MACROD2: variants seen among roughly 807,000 people sequenced by gnomAD.
MACROD2 encodes mono-ADP ribosylhydrolase 2.
A neutral mutation model predicts 70.4 loss-of-function variants in MACROD2; 36 were observed. The ratio of observed to expected loss-of-function variants is 0.51; its 90% CI spans 0.39 to 0.68. MACROD2 has a LOEUF of 0.68. Among genes scored for constraint, MACROD2 ranks in the 30% least tolerant of loss-of-function variants. The pLI is 0.00. For missense variants in MACROD2, 496 were observed against 538.4 expected, an observed-to-expected ratio of 0.92 and a Z score of 0.78; for synonymous variants, 172 against 178.8, an observed-to-expected ratio of 0.96 and a Z score of 0.30.
At chr20:16,043,642 C>T (rs990468466) in intron 16 of MACROD2, among the ~76,000 whole-genome samples, 3 of 151,994 alleles carry the variant, frequency 2.0e-5, no homozygotes, top group African/African-American at 4.8e-5. Flanking sequence ...TAAAAGCACA[C>T]GTTTTATCAC....
At chr20:15,067,227 A>T (rs1489757949) in intron 5 of MACROD2, among the ~76,000 whole-genome samples, 1 of 152,162 alleles carries the variant, frequency 6.6e-6, no homozygotes, top group Non-Finnish European at 1.5e-5. Flanking sequence ...ACTATTTTAA[A>T]TTTTCACAGG....
In MACROD2 at chr20:15,951,140, G is replaced by A. The variant is rs561319861; in HGVS notation, c.907+13596G>A. ...CTGGCCTTCTTGAATTTATGGTTAT[G>A]GAGTGGTATCGGAAAAACATTCTCT... is the stretch of plus-strand genomic sequence containing the variant. On this transcript the variant is annotated intron_variant, in intron 12 of 17. Transcript: ENST00000684519. Among the ~76,000 whole-genome samples the A allele has an allele frequency of 2.0e-5, 3 of 152,174 alleles. No homozygotes were observed. In the East Asian group the frequency reaches 5.8e-4, roughly 29 times the overall value.
chr20:15,306,815 T>C (rs1437547252), intron 6 of MACROD2, among the ~76,000 whole-genome samples: 1 of 152,176 alleles, frequency 6.6e-6, no homozygotes, highest in African/African-American at 2.4e-5. Context: ...TATTAGTCCA[T>C]GTTGTGTTGC....
At chr20:15,983,863 A>C (rs912832053) in intron 13 of MACROD2, among the ~76,000 whole-genome samples, 3 of 152,204 alleles carry the variant, frequency 2.0e-5, no homozygotes, top group African/African-American at 7.2e-5. Flanking sequence ...AGTTTGTTTT[A>C]AGTCTTTAAC....
Position 15,559,725 on chromosome 20 carries a change from T to C in MACROD2, c.645+59878T>C, listed in dbSNP as rs12624699. Among the ~76,000 whole-genome samples the C allele has an allele frequency of 2.6e-3, 390 of 152,318 alleles. 10 individuals carry two copies. The East Asian group carries it at 0.05, about 20-fold the overall frequency. On this transcript the variant is annotated intron_variant, in intron 8 of 17. Transcript: ENST00000684519. ...GCATGTACAGTCACTCTTCTTGGGC[T>C]CACAGTGGTCAATAAGGGGTGAGGA...
intron 3 of MACROD2, among the ~76,000 whole-genome samples, chr20:14,095,059 TCTC>T (rs1283718457): frequency 1.3e-5 from 2 of 152,172 alleles, no homozygotes; most frequent in African/African-American, 4.8e-5. Flanking sequence ...AGATGTTTCA[TCTC>T]CTACTGGAAG....
At chr20:15,908,299 A>C (rs527584136) in intron 10 of MACROD2, among the ~76,000 whole-genome samples, 370 of 152,294 alleles carry the variant, frequency 2.4e-3, no homozygotes, top group African/African-American at 8.7e-3. Context: ...AAATGACTTC[A>C]CCCAAGGACA....
intron 3 of MACROD2, among the ~76,000 whole-genome samples, chr20:14,491,478 T>A (rs2084793924): frequency 6.6e-6 from 1 of 152,218 alleles, no homozygotes; most frequent in Non-Finnish European, 1.5e-5. Flanking sequence ...ATCACAATTT[T>A]GTAAAATAGT....
intron 6 of MACROD2, among the ~76,000 whole-genome samples, chr20:15,345,853 T>G (rs2078160074): frequency 6.6e-6 from 1 of 152,188 alleles, no homozygotes; most frequent in African/African-American, 2.4e-5. Flanking sequence ...TGGACCATTC[T>G]GGTTGTTTAG....
At chr20:14,324,222 A>G (rs1266961817) in intron 3 of MACROD2, 1 of 152,572 alleles carries the variant, frequency 6.6e-6, no homozygotes, top group African/African-American at 2.4e-5. Flanking sequence ...AGCTGAATAC[A>G]TGTAGCGTTG....
At chr20:15,061,018 G>T (rs1038690944) in intron 5 of MACROD2, among the ~76,000 whole-genome samples, 1 of 152,192 alleles carries the variant, frequency 6.6e-6, no homozygotes, top group African/African-American at 2.4e-5. Flanking sequence ...TGAAAGCTCA[G>T]AGAAGTTAAT....
intron 6 of MACROD2, among the ~76,000 whole-genome samples, chr20:15,314,606 G>A (rs2077789236): frequency 6.6e-6 from 1 of 152,266 alleles, no homozygotes; most frequent in East Asian, 1.9e-4. Flanking sequence ...AAATCTTGGG[G>A]CTTGCCTGAG....
At chr20:14,066,288 C>G (rs924035808) in intron 2 of MACROD2, among the ~76,000 whole-genome samples, 1 of 152,116 alleles carries the variant, frequency 6.6e-6, no homozygotes, top group Non-Finnish European at 1.5e-5. Context: ...TGTAATCAAT[C>G]AATTCTATAT....
intron 4 of MACROD2, among the ~76,000 whole-genome samples, chr20:14,593,945 T>C (rs1330800070): frequency 1.3e-5 from 2 of 152,220 alleles, no homozygotes; most frequent in Non-Finnish European, 2.9e-5. Context: ...TCCCTTTGTC[T>C]AAAATGGTCT....
chr20:14,972,167 G>C (rs186133704), intron 5 of MACROD2, among the ~76,000 whole-genome samples: 4 of 152,316 alleles, frequency 2.6e-5, no homozygotes, highest in African/African-American at 9.6e-5. Context: ...AGGCCATTAG[G>C]GGCTGTAGGT....
rs867006179 is a variant in MACROD2 at position 15,229,985 on chromosome 20, G to A, written c.464G>A (p.Gly155Asp). The A allele has an allele frequency of 6.2e-7, 1 of 1,613,710 alleles. No homozygotes were observed. The highest frequency in any genetic ancestry group is 8.5e-7 in the Non-Finnish European group (1 of 1,179,746). The change falls in exon 6 of 18, where the codon GGT becomes GAT. Residue 155 changes from glycine (G) to aspartate (D), a missense_variant. Gly to Asp is a moderately conservative substitution (Grantham distance 94). Coordinates refer to ENST00000684519, the MANE Select transcript of MACROD2 (RefSeq NM_001351661.2). ...VGPIARGHIN[G>D]SHKEDLANCY... is the part of the protein sequence containing the mutation. ...CCAATAGCCAGGGGCCATATTAATG[G>A]TTCCCACAAGGAAGACCTTGCAAAT...
At chr20:15,054,984 T>C (rs1227539988) in intron 5 of MACROD2, among the ~76,000 whole-genome samples, 3 of 142,208 alleles carry the variant, frequency 2.1e-5, no homozygotes, top group African/African-American at 5.4e-5. Context: ...AGTTTCACTC[T>C]TGTTGCTCAG....
At chr20:14,542,507 AT>A (rs2085446843) in intron 4 of MACROD2, among the ~76,000 whole-genome samples, 3 of 152,218 alleles carry the variant, frequency 2.0e-5, no homozygotes, top group Non-Finnish European at 2.9e-5. Flanking sequence ...ACACATATTT[AT>A]CAAAATTCAA....
intron 4 of MACROD2, chr20:14,523,541 C>T (rs1249013354): frequency 6.6e-6 from 1 of 152,158 alleles, no homozygotes; most frequent in Admixed American, 6.5e-5. Context: ...AACATTTTCT[C>T]ATCTTTTCTT....
Sources: allele counts gnomAD v4.1 joint callset (sites outside exome capture counted in the v4.1 genomes callset), GRCh38; gene constraint gnomAD v4.1.1; transcripts MANE v1.5; gene names NCBI Gene and HGNC (gene_info 2026-07-23, HGNC 2026-07-21).